Variants in EXOC4 observed in about 807,000 individuals in gnomAD.
The protein encoded by EXOC4 is SEC8-like 1.
EXOC4 carries 71 observed loss-of-function variants against 107.2 expected under a neutral mutation model. That is an observed-to-expected ratio of 0.66 (90% CI 0.55 to 0.81). EXOC4 has a LOEUF of 0.81. EXOC4 is among the 30% of genes least tolerant of loss of function. The pLI is 0.00. For missense variants in EXOC4, 1,108 were observed against 1,189.6 expected, an observed-to-expected ratio of 0.93 and a Z score of 1.01; for synonymous variants, 456 against 441.2, an observed-to-expected ratio of 1.03 and a Z score of -0.42.
chr7:133,730,220 A>G (rs898175424), intron 10 of EXOC4, among the ~76,000 whole-genome samples: 14 of 149,396 alleles, frequency 9.4e-5, no homozygotes, highest in Admixed American at 1.3e-4. Context: ...TTTCTGACCT[A>G]CATTGTACAA....
chr7:133,433,108 A>G (rs73724585), intron 7 of EXOC4, among the ~76,000 whole-genome samples: 9,730 of 152,258 alleles, frequency 0.064, 1,079 homozygotes, highest in African/African-American at 0.22. Flanking sequence ...TAGGACTGAC[A>G]TACTTAGATG....
intron 10 of EXOC4, among the ~76,000 whole-genome samples, chr7:133,679,257 C>A (rs1585073747): frequency 6.6e-6 from 1 of 152,182 alleles, no homozygotes; most frequent in Non-Finnish European, 1.5e-5. Flanking sequence ...TAGCAAATTA[C>A]ATTTTCAGAA....
Position 133,305,858 on chromosome 7 carries a change from C to G in EXOC4, c.472-19C>G, listed in dbSNP as rs746564817. 5.1e-6 allele frequency: 8 copies of G among 1,561,374 alleles called. No homozygotes were observed. The highest frequency in any genetic ancestry group is 6.1e-6 in the Non-Finnish European group (7 of 1,155,952). ...TATTAAGTTGTACTTAATTGTCTTTCATTTTTTTCTCTTTTCAGGTGTCAG... is the reference window on the plus strand; with the variant it reads ...TATTAAGTTGTACTTAATTGTCTTTGATTTTTTTCTCTTTTCAGGTGTCAG... On this transcript the variant is annotated intron_variant, in intron 3 of 17. Transcript: ENST00000253861.
intron 10 of EXOC4, among the ~76,000 whole-genome samples, chr7:133,684,933 G>A (rs189201001): frequency 1.2e-3 from 181 of 152,170 alleles, no homozygotes; most frequent in African/African-American, 4.2e-3. Flanking sequence ...GGGTTACCTC[G>A]TCAATTAAAG....
chr7:134,065,020 T>A lies in EXOC4; in HGVS notation c.*492T>A, dbSNP rs1456936283. ...ATAAGTGTATGTGCATTGCTGTCTG[T>A]CTCTATTGCCAAAATCAAATAAATG... is the stretch of plus-strand genomic sequence containing the variant. On this transcript the variant is annotated 3_prime_UTR_variant, in exon 18 of 18. Coordinates refer to ENST00000253861, the MANE Select transcript of EXOC4 (RefSeq NM_021807.4). 6.6e-6 allele frequency: 1 copy of A among 152,628 alleles called. No homozygotes were observed. The highest frequency in any genetic ancestry group is 1.9e-4 in the East Asian group (1 of 5,190). 9.5% of individuals were successfully genotyped at this position (152,628 alleles called of 1,614,324 possible).
chr7:134,067,075 G>T (rs554673315), downstream of EXOC4, among the ~76,000 whole-genome samples: 1 of 151,138 alleles, frequency 6.6e-6, no homozygotes, highest in East Asian at 2.0e-4. Context: ...GCTTGAACCT[G>T]GGAGGTGGAA....
intron 14 of EXOC4, among the ~76,000 whole-genome samples, chr7:133,994,841 T>C (rs1308214358): frequency 1.3e-5 from 2 of 152,096 alleles, no homozygotes; most frequent in Non-Finnish European, 2.9e-5. Flanking sequence ...TGTGTTAGCA[T>C]TGCTTTTTTA....
At position 133,570,717 on chromosome 7, in the gene EXOC4, AT is replaced by A. The variant is rs952368078; in HGVS notation, c.1418-59319del. Among the ~76,000 whole-genome samples, 4 of 151,328 alleles carry A rather than the reference AT, an allele frequency of 2.6e-5. No homozygotes were observed. In the South Asian group the frequency reaches 6.3e-4, roughly 24 times the overall value. On this transcript the variant is annotated intron_variant, in intron 9 of 17. Transcript: ENST00000253861. ...CCAGGACTCTTATCCACTCCTCAAT[AT>A]TTTTTTTTGATGTATGGTTTTTCGC...
intron 12 of EXOC4, among the ~76,000 whole-genome samples, chr7:133,908,108 G>T (rs1342271689): frequency 1.3e-5 from 2 of 152,188 alleles, no homozygotes; most frequent in Admixed American, 1.3e-4. Context: ...CAAGCAGCCA[G>T]TCCTCATTTC....
intron 7 of EXOC4, among the ~76,000 whole-genome samples, chr7:133,474,430 C>T (rs1214283459): frequency 6.6e-6 from 1 of 151,662 alleles, no homozygotes; most frequent in African/African-American, 2.4e-5. Flanking sequence ...GCCTCAGCCT[C>T]TCAAGTAGCT....
chr7:133,262,187 G>C (rs914417079), intron 1 of EXOC4, among the ~76,000 whole-genome samples: 2 of 152,190 alleles, frequency 1.3e-5, no homozygotes, highest in African/African-American at 4.8e-5. Context: ...CAGAGAGGAA[G>C]AATAAGATAT....
At chr7:133,539,089 G>A (rs1800333026) in intron 9 of EXOC4, among the ~76,000 whole-genome samples, 2 of 151,884 alleles carry the variant, frequency 1.3e-5, no homozygotes, top group South Asian at 4.2e-4. Flanking sequence ...TTGTACCTGT[G>A]GTATGCTTAA....
intron 10 of EXOC4, among the ~76,000 whole-genome samples, chr7:133,737,909 CTTTTTTT>C (rs10673346): frequency 2.2e-5 from 2 of 89,328 alleles, no homozygotes; most frequent in Non-Finnish European, 4.0e-5. Context: ...ATTTTTCTTT[CTTTTTTT>C]TTTTTTTTTT....
At chr7:133,480,371 AAG>A (rs1021091126) in intron 9 of EXOC4, 26 of 1,340,642 alleles carry the variant, frequency 1.9e-5, no homozygotes, top group Non-Finnish European at 2.4e-5. Flanking sequence ...TCAAAGCAAA[AAG>A]AGATGAGGCC....
At chr7:133,808,925 T>G (rs1585162477) in intron 10 of EXOC4, among the ~76,000 whole-genome samples, 1 of 152,154 alleles carries the variant, frequency 6.6e-6, no homozygotes. Context: ...TGGGCCCATA[T>G]CTCTCCTGAA....
intron 10 of EXOC4, among the ~76,000 whole-genome samples, chr7:133,747,224 G>T (rs1795695149): frequency 6.6e-6 from 1 of 152,130 alleles, no homozygotes; most frequent in Non-Finnish European, 1.5e-5. Context: ...AGTATCTTCA[G>T]TTTTCTGAAA....
At chr7:133,797,009 G>A (rs1161639619) in intron 10 of EXOC4, among the ~76,000 whole-genome samples, 1 of 152,302 alleles carries the variant, frequency 6.6e-6, no homozygotes, top group East Asian at 1.9e-4. Context: ...AGCAGCCAGA[G>A]AAGCATACAG....
chr7:133,505,581 A>T (rs1799651181), intron 9 of EXOC4, among the ~76,000 whole-genome samples: 1 of 152,140 alleles, frequency 6.6e-6, no homozygotes, highest in Non-Finnish European at 1.5e-5. Context: ...CTCTTTGTAT[A>T]TTATATGAAC....
chr7:133,483,424 A>T (rs1799201172), intron 9 of EXOC4, among the ~76,000 whole-genome samples: 1 of 152,192 alleles, frequency 6.6e-6, no homozygotes, highest in Admixed American at 6.5e-5. Context: ...TAATTGAAAA[A>T]CATTTTAAAA....
Sources: allele counts gnomAD v4.1 joint callset (sites outside exome capture counted in the v4.1 genomes callset), GRCh38; gene constraint gnomAD v4.1.1; transcripts MANE v1.5; gene names NCBI Gene and HGNC (gene_info 2026-07-23, HGNC 2026-07-21).